Variants in DNAH14 observed in about 807,000 individuals in gnomAD.
The protein encoded by DNAH14 is axonemal beta dynein heavy chain 14.
In DNAH14, 478 loss-of-function variants were observed where a neutral mutation model predicts 520.9. The observed-to-expected ratio is 0.92, with a 90% CI of 0.85 to 0.99. The LOEUF is 0.99. Ranked by LOEUF, DNAH14 falls within the 50% of genes least tolerant of loss-of-function variation. DNAH14 has a pLI of 0.00. For missense variants in DNAH14, 4,831 were observed against 5,234.5 expected (o/e 0.92, Z 2.38); for synonymous variants, 1,581 against 1,757.2 (o/e 0.90, Z 2.51).
chr1:225,003,677 ATAAAC>A (rs1487889132), intron 9 of DNAH14, among the ~76,000 whole-genome samples: 1 of 152,068 alleles, frequency 6.6e-6, no homozygotes, highest in Non-Finnish European at 1.5e-5. Flanking sequence ...GAATAAAAGA[ATAAAC>A]TAATGAAGGA....
intron 23 of DNAH14, among the ~76,000 whole-genome samples, chr1:225,107,662 C>G (rs2076177951): frequency 6.6e-6 from 1 of 152,136 alleles, no homozygotes; most frequent in Non-Finnish European, 1.5e-5. Flanking sequence ...GCCATGGATA[C>G]CGGAATTGCT....
At position 225,237,353 on chromosome 1, in the gene DNAH14, A is replaced by G. The variant is rs182798612; in HGVS notation, c.6519-3240A>G. On this transcript the variant is annotated intron_variant, in intron 42 of 85. Coordinates refer to ENST00000682510, the MANE Select transcript of DNAH14 (RefSeq NM_001367479.1). ...CAGCATTTGCTTGTCTGAAAAAGAT[A>G]TTATTTCTCCTTTGCCTATGAAGCT... Among the ~76,000 whole-genome samples, 3 of 152,156 alleles carry G rather than the reference A, an allele frequency of 2.0e-5. No homozygotes were observed. The East Asian group carries it at 5.8e-4, about 29-fold the overall frequency.
At chr1:225,242,590 C>A (rs902773987) in intron 43 of DNAH14, among the ~76,000 whole-genome samples, 2 of 152,150 alleles carry the variant, frequency 1.3e-5, no homozygotes, top group Admixed American at 6.5e-5. Context: ...ACAACAATGC[C>A]TTCTTCTGGA....
At chr1:225,194,088 G>A (rs2085794624) in intron 38 of DNAH14, among the ~76,000 whole-genome samples, 1 of 152,116 alleles carries the variant, frequency 6.6e-6, no homozygotes, top group Non-Finnish European at 1.5e-5. Flanking sequence ...GTCATGGATT[G>A]GAAGATTCGA....
Position 225,381,497 on chromosome 1 carries a change from T to C in DNAH14, c.12995T>C (p.Ile4332Thr). 6.5e-7 allele frequency: 1 copy of C among 1,550,004 alleles called. No homozygotes were observed. Among genetic ancestry groups the C allele is most frequent in the Non-Finnish European group, 8.7e-7 (1 of 1,146,510 alleles). Residue 4332 changes from isoleucine (I) to threonine (T), a missense_variant, in exon 81 of 86, where the codon ATA (isoleucine) becomes ACA (threonine). Coordinates refer to ENST00000682510, the MANE Select transcript of DNAH14 (RefSeq NM_001367479.1). ...TCCTTAAAAGATCTTCAGCTTGCTA[T>C]AAAAGGAGAGATCATCCTCACCCAA... ...HKSLKDLQLA[I>T]KGEIILTQEL...
chr1:225,370,703 A>T (rs1000231606), intron 77 of DNAH14, among the ~76,000 whole-genome samples: 2 of 152,100 alleles, frequency 1.3e-5, no homozygotes, highest in African/African-American at 4.8e-5. Flanking sequence ...TTAGAAAACA[A>T]AAGAAAATAA....
At chr1:225,184,754 A>T (rs1161780064) in intron 36 of DNAH14, among the ~76,000 whole-genome samples, 1 of 151,604 alleles carries the variant, frequency 6.6e-6, no homozygotes. Flanking sequence ...CTTAAAAAAA[A>T]GAGAGAGAGA....
chr1:225,159,166 C>T, intron 34 of DNAH14, 148 bp from the exon 35 acceptor site: 2 of 639,874 alleles, frequency 3.1e-6, no homozygotes, highest in Non-Finnish European at 5.2e-6. Flanking sequence ...ATTAATTCCA[C>T]CCAAACCATA....
intron 77 of DNAH14, 93 bp from the exon 78 acceptor site, chr1:225,374,595 T>C (rs956305274): frequency 8.9e-7 from 1 of 1,117,480 alleles, no homozygotes; most frequent in Non-Finnish European, 1.2e-6. Flanking sequence ...AAAATATATG[T>C]AGCTGTTTGA....
chr1:225,396,567 T>G (rs2096013944), intron 84 of DNAH14: 1 of 152,128 alleles, frequency 6.6e-6, no homozygotes, highest in Non-Finnish European at 1.5e-5. Flanking sequence ...GAGAGGCAGA[T>G]GTGCACCAGG....
chr1:225,074,813 C>T (rs1367547989), intron 17 of DNAH14, among the ~76,000 whole-genome samples: 2 of 152,310 alleles, frequency 1.3e-5, no homozygotes, highest in East Asian at 1.9e-4. Flanking sequence ...AGTGGCCTGC[C>T]CCTCCTTCCA....
At chr1:225,049,210 C>T (rs373663862) in intron 15 of DNAH14, among the ~76,000 whole-genome samples, 3 of 151,828 alleles carry the variant, frequency 2.0e-5, no homozygotes, top group East Asian at 3.9e-4. Context: ...AGGTGGCCCA[C>T]CACCACGCCC....
At chr1:225,113,620 C>T (rs1279749467) in intron 23 of DNAH14, among the ~76,000 whole-genome samples, 1 of 152,168 alleles carries the variant, frequency 6.6e-6, no homozygotes, top group Non-Finnish European at 1.5e-5. Flanking sequence ...ATCTGGGAAC[C>T]AGTATCTATA....
At chr1:225,297,057 T>G (rs1218297833) in intron 55 of DNAH14, among the ~76,000 whole-genome samples, 1 of 152,144 alleles carries the variant, frequency 6.6e-6, no homozygotes, top group East Asian at 1.9e-4. Flanking sequence ...CAGTTATTAT[T>G]TAATTAAATG....
intron 69 of DNAH14, among the ~76,000 whole-genome samples, chr1:225,344,216 A>C (rs140001856): frequency 1.4e-5 from 2 of 145,768 alleles, no homozygotes; most frequent in Admixed American, 1.4e-4. Flanking sequence ...GATTTGGTAA[A>C]ACTGGGCTTT....
intron 43 of DNAH14, among the ~76,000 whole-genome samples, chr1:225,251,502 G>GA (rs1167186540): frequency 6.6e-6 from 1 of 151,876 alleles, no homozygotes; most frequent in East Asian, 1.9e-4. Context: ...AGAAGGACAA[G>GA]AAAAAATCCT....
chr1:225,379,826 AT>A (rs2095757071), intron 79 of DNAH14, among the ~76,000 whole-genome samples: 1 of 152,042 alleles, frequency 6.6e-6, no homozygotes, highest in African/African-American at 2.4e-5. Context: ...TGCCCAGCCA[AT>A]TTTTATTTTT....
At chr1:225,031,611 T>C (rs958082239) in intron 11 of DNAH14, among the ~76,000 whole-genome samples, 7 of 152,086 alleles carry the variant, frequency 4.6e-5, no homozygotes, top group Non-Finnish European at 1.0e-4. Flanking sequence ...TCGATTAATC[T>C]AAAACCAGCT....
intron 17 of DNAH14, among the ~76,000 whole-genome samples, chr1:225,068,429 G>A (rs964786597): frequency 2.0e-5 from 3 of 152,198 alleles, no homozygotes; most frequent in Admixed American, 2.0e-4. Context: ...TGGCTATTTG[G>A]GTTCTTTTTC....
Sources: gnomAD v4.1 joint callset for allele counts (sites outside exome capture counted in the v4.1 genomes callset) on GRCh38, gnomAD v4.1.1 for gene constraint, MANE v1.5 for transcripts, NCBI Gene and HGNC (gene_info 2026-07-23, HGNC 2026-07-21) for gene names.